The following CUL1 variants were observed in gnomAD, a reference collection of about 807,000 sequenced individuals.
CUL1 encodes the protein cullin-1.
CUL1 carries 24 observed loss-of-function variants against 118.0 expected under a neutral mutation model. The observed-to-expected ratio is 0.20, with a 90% CI of 0.15 to 0.29. The LOEUF (loss-of-function observed/expected upper bound fraction) is 0.29. Ranked by LOEUF, CUL1 falls within the 10% of genes least tolerant of loss-of-function variation. The pLI, the probability that CUL1 is intolerant of heterozygous loss-of-function variation, is 1.00. For missense variants in CUL1, 361 were observed against 933.8 expected (o/e 0.39, Z 7.99); for synonymous variants, 332 against 340.4 (o/e 0.98, Z 0.27).
At position 148,764,327 on chromosome 7, in the gene CUL1, T is replaced by G. The variant is rs186812914; in HGVS notation, c.790-2234T>G. Among the ~76,000 whole-genome samples the G allele has an allele frequency of 7.2e-5, 11 of 152,312 alleles. No individual in the cohort carries two copies. In the East Asian group the frequency reaches 2.1e-3, roughly 29 times the overall value. On this transcript the variant is annotated intron_variant, in intron 7 of 21. Coordinates refer to ENST00000325222, the MANE Select transcript of CUL1 (RefSeq NM_003592.3). The stretch of plus-strand genomic sequence containing the variant: ...TTTGACTTGGAATCATTAGAGAACC[T>G]AAATGGCTGTCCTTTCTGAAACCTG...
At chr7:148,737,458 C>T (rs950053637) in intron 2 of CUL1, among the ~76,000 whole-genome samples, 3 of 151,480 alleles carry the variant, frequency 2.0e-5, no homozygotes, top group East Asian at 1.9e-4. Context: ...TAACTACAGA[C>T]GGATTATACA....
chr7:148,720,062 G>A (rs958019745), intron 1 of CUL1, among the ~76,000 whole-genome samples: 3 of 152,216 alleles, frequency 2.0e-5, no homozygotes, highest in Admixed American at 6.5e-5. Flanking sequence ...AGAGTCTAGC[G>A]TAGCAGCTAC....
intron 11 of CUL1, among the ~76,000 whole-genome samples, chr7:148,784,477 CTT>C (rs1436693864): frequency 6.6e-6 from 1 of 152,090 alleles, no homozygotes; most frequent in Non-Finnish European, 1.5e-5. Context: ...ACTTTTGAAT[CTT>C]ATTTCTCAAT....
chr7:148,781,399 C>G (rs1189392997), intron 9 of CUL1, among the ~76,000 whole-genome samples: 1 of 152,100 alleles, frequency 6.6e-6, no homozygotes, highest in Non-Finnish European at 1.5e-5. Flanking sequence ...TGTTTTGACA[C>G]TTTTCCTTTA....
chr7:148,730,971 C>G (rs572257270), intron 2 of CUL1, among the ~76,000 whole-genome samples: 4 of 152,306 alleles, frequency 2.6e-5, no homozygotes, highest in African/African-American at 2.4e-5. Context: ...GCCACCACAC[C>G]TGGCCAATTT....
intron 3 of CUL1, among the ~76,000 whole-genome samples, chr7:148,754,801 C>T (rs954721716): frequency 6.6e-6 from 1 of 151,208 alleles, no homozygotes; most frequent in Non-Finnish European, 1.5e-5. Context: ...GGCTGGAGTG[C>T]AGTAGTGCAA....
chr7:148,757,030 A>G lies in CUL1; in HGVS notation c.363A>G (p.Gln121=), dbSNP rs779744136. ...MDESVLKFYT[Q]QWEDYRFSSK... ...AGAGTGTACTGAAATTCTACACTCA[A>G]CAATGGGAAGATTATCGATTTTCAA... The change falls in exon 4 of 22, where the codon CAA becomes CAG. Residue 121 remains glutamine, a synonymous_variant. Coordinates refer to ENST00000325222, the MANE Select transcript of CUL1 (RefSeq NM_003592.3). The G allele has an allele frequency of 4.3e-6, 7 of 1,610,694 alleles. No homozygotes were observed. In the South Asian group the frequency reaches 5.5e-5, roughly 13 times the overall value.
intron 2 of CUL1, among the ~76,000 whole-genome samples, chr7:148,742,000 T>G (rs1175134863): frequency 6.6e-6 from 1 of 152,246 alleles, no homozygotes. Flanking sequence ...TTTATTACTG[T>G]CATTTTGTAG....
At position 148,759,738 on chromosome 7, in the gene CUL1, A is replaced by G. The variant is rs190807717; in HGVS notation, c.625+100A>G. 1.3e-5 allele frequency: 7 copies of G among 559,424 alleles called. No homozygotes were observed. The Admixed American group carries it at 1.5e-4, about 12-fold the overall frequency. 34.7% of individuals were successfully genotyped at this position (559,424 alleles called of 1,614,324 possible). On this transcript the variant is annotated intron_variant, in intron 6 of 21. Transcript: ENST00000325222. Reference sequence around the variant, plus strand: ...ATTTTTAAAATATTTTAATATTATAAAGGATATTGTTAGCATTTACGAAGG... The same window carrying G: ...ATTTTTAAAATATTTTAATATTATAGAGGATATTGTTAGCATTTACGAAGG...
At chr7:148,799,411 C>T (rs755325684) in intron 21 of CUL1, 23 bp downstream of exon 21, 2 of 1,433,454 alleles carry the variant, frequency 1.4e-6, no homozygotes, top group Non-Finnish European at 2.0e-6. Context: ...ACATAGCAGT[C>T]ACATTCCTTT....
At chr7:148,722,337 C>G (rs546178607) in intron 1 of CUL1, among the ~76,000 whole-genome samples, 1 of 152,196 alleles carries the variant, frequency 6.6e-6, no homozygotes, top group Non-Finnish European at 1.5e-5. Context: ...CACTCCACTC[C>G]CCTCACTTCT....
At chr7:148,723,830 C>T (rs371053263) in intron 1 of CUL1, among the ~76,000 whole-genome samples, 2 of 149,828 alleles carry the variant, frequency 1.3e-5, no homozygotes, top group South Asian at 4.2e-4. Context: ...CCTTGAAATA[C>T]TGGAGTTTTC....
At position 148,742,598 on chromosome 7, in the gene CUL1, G is replaced by GTTTTTT. The variant is rs59592789; in HGVS notation, c.141-11365_141-11360dup. 1.6e-4 allele frequency among the ~76,000 whole-genome samples: 18 copies of GTTTTTT among 112,164 alleles called. 1 individual carries two copies. Among genetic ancestry groups the GTTTTTT allele is most frequent in the South Asian group, 3.5e-4 (1 of 2,864 alleles). 73.6% of individuals were successfully genotyped at this position (112,164 alleles called of 152,430 possible). On this transcript the variant is annotated intron_variant, in intron 2 of 21. Transcript: ENST00000325222. ...TTCTTAAATCTTTCTACCTTTTCTG[G>GTTTTTT]TTTTTTTTTTTTTTTTTTGAGTTGG...
At chr7:148,795,598 C>G (rs1801164732) in intron 17 of CUL1, among the ~76,000 whole-genome samples, 1 of 151,982 alleles carries the variant, frequency 6.6e-6, no homozygotes, top group Non-Finnish European at 1.5e-5. Context: ...AACCCAGTCT[C>G]TACTAAAAAT....
chr7:148,778,070 C>CAA (rs1203417069), intron 9 of CUL1, among the ~76,000 whole-genome samples: 417 of 13,754 alleles, frequency 0.03, 38 homozygotes, highest in African/African-American at 0.091. Context: ...GACCCTGTCT[C>CAA]AAAAAAAAAA....
intron 1 of CUL1, among the ~76,000 whole-genome samples, chr7:148,700,952 G>T (rs1797702237): frequency 6.6e-6 from 1 of 152,044 alleles, no homozygotes; most frequent in South Asian, 2.1e-4. Flanking sequence ...GATTCTGCAT[G>T]GTTTCCTTAG....
rs764071543 is a variant in CUL1 at position 148,760,473 on chromosome 7, C to G, written c.766C>G (p.Pro256Ala). 65 of 1,607,202 alleles carry G rather than the reference C, an allele frequency of 4.0e-5. No homozygotes were observed. The highest frequency in any genetic ancestry group is 5.3e-5 in the Non-Finnish European group (62 of 1,177,342). The change falls in exon 7 of 22, where the codon CCA becomes GCA. Residue 256 changes from proline (P) to alanine (A), a missense_variant. Pro to Ala is a conservative substitution (Grantham distance 27). This residue lies in a region of CUL1 where 169 missense variants were observed against 429.7 expected (regional missense o/e 0.39). Coordinates refer to ENST00000325222, the MANE Select transcript of CUL1 (RefSeq NM_003592.3). ...RESTEFLQQNPVTEYMKKAEA... is the reference protein window; with the variant it reads ...RESTEFLQQNAVTEYMKKAEA... ...GAGTACTGAATTCTTGCAGCAGAAC[C>G]CAGTTACTGAATATATGAAAAAGGT... is the stretch of plus-strand genomic sequence containing the variant.
intron 11 of CUL1, among the ~76,000 whole-genome samples, chr7:148,784,940 AAAT>A (rs1386898708): frequency 2.6e-5 from 4 of 152,214 alleles, no homozygotes; most frequent in Admixed American, 2.6e-4. Context: ...CCAGTGAACT[AAAT>A]AATAATTCTT....
chr7:148,716,532 T>C (rs1798219588), intron 1 of CUL1, among the ~76,000 whole-genome samples: 1 of 152,210 alleles, frequency 6.6e-6, no homozygotes, highest in Admixed American at 6.5e-5. Flanking sequence ...TGGACCCCAC[T>C]GTAGTCTCAC....
Sources: gnomAD v4.1 joint callset for allele counts (sites outside exome capture counted in the v4.1 genomes callset) on GRCh38, gnomAD v4.1.1 for gene constraint, gnomAD v4.1.1 regional missense constraint, MANE v1.5 for transcripts, NCBI Gene and HGNC (gene_info 2026-07-23, HGNC 2026-07-21) for gene names.